The following SLC38A9 variants were observed in gnomAD, a reference collection of about 807,000 sequenced individuals.
SLC38A9 encodes the protein solute carrier family 38 member 9, also known as neutral amino acid transporter 9.
In SLC38A9, 48 loss-of-function variants were observed where a neutral mutation model predicts 62.3. The ratio of observed to expected loss-of-function variants is 0.77; its 90% CI spans 0.61 to 0.98. The LOEUF is 0.98. Ranked by LOEUF, SLC38A9 falls within the 50% of genes least tolerant of loss-of-function variation. SLC38A9 has a pLI of 0.00. For missense variants in SLC38A9, 541 were observed against 679.8 expected, an observed-to-expected ratio of 0.80 and a Z score of 2.27; for synonymous variants, 204 against 227.7, an observed-to-expected ratio of 0.90 and a Z score of 0.94.
intron 10 of SLC38A9, among the ~76,000 whole-genome samples, chr5:55,651,248 CT>C (rs1157691760): frequency 0.01 from 1,206 of 117,592 alleles, 27 homozygotes; most frequent in African/African-American, 0.036. Context: ...CTTTTGCCAT[CT>C]TTTTTTTTTT....
At chr5:55,677,924 TATTGTGTG>T (rs1189498483) in intron 3 of SLC38A9, among the ~76,000 whole-genome samples, 3 of 115,712 alleles carry the variant, frequency 2.6e-5, no homozygotes, top group Non-Finnish European at 3.4e-5. Flanking sequence ...TTTTTTTCTT[TATTGTGTG>T]TGTGTGTGTG....
rs770151453 is a variant in SLC38A9 at position 55,635,549 on chromosome 5, C to T, written c.1276G>A (p.Glu426Lys). The change falls in exon 13 of 16, where the codon GAG becomes AAG. Residue 426 changes from glutamate to lysine, a missense_variant. Coordinates refer to ENST00000396865, the MANE Select transcript of SLC38A9 (RefSeq NM_173514.4). Reference protein sequence around the residue: ...PSPPLSKDCIEQNFLDNFPSS... With the variant: ...PSPPLSKDCIKQNFLDNFPSS... ...GAGGGTACACGGTGCCTTACCTGCT[C>T]AATACAATCTTTGGATAATGGTGGT... The T allele has an allele frequency of 1.9e-5, 31 of 1,609,268 alleles. No individual in the cohort carries two copies. The South Asian group carries it at 3.0e-4, about 15-fold the overall frequency.
At chr5:55,669,901 TA>T (rs1751021081) in intron 4 of SLC38A9, 22 bp from the exon 5 acceptor site, 1 of 1,571,668 alleles carries the variant, frequency 6.4e-7, no homozygotes. Context: ...GAAACATAGA[TA>T]AATTTCAGAA....
At chr5:55,682,838 C>T (rs1226975365) in intron 3 of SLC38A9, among the ~76,000 whole-genome samples, 2 of 152,142 alleles carry the variant, frequency 1.3e-5, no homozygotes, top group African/African-American at 4.8e-5. Flanking sequence ...TGCTAGGTAT[C>T]CATCTCCCCC....
intron 2 of SLC38A9, among the ~76,000 whole-genome samples, chr5:55,699,347 T>TAA (rs1417825683): frequency 6.6e-6 from 1 of 152,248 alleles, no homozygotes; most frequent in Non-Finnish European, 1.5e-5. Flanking sequence ...CATGAGAATT[T>TAA]GCAAGGAACA....
intron 2 of SLC38A9, among the ~76,000 whole-genome samples, chr5:55,704,831 C>A (rs533705470): frequency 2.7e-4 from 41 of 152,304 alleles, no homozygotes; most frequent in South Asian, 1.2e-3. Context: ...AATCTTGGTT[C>A]TGCCATTTAT....
At chr5:55,659,418 A>C (rs1749074678) in intron 8 of SLC38A9, among the ~76,000 whole-genome samples, 1 of 131,092 alleles carries the variant, frequency 7.6e-6, no homozygotes, top group African/African-American at 2.8e-5. Context: ...ATGGAGTCTC[A>C]CTCTTGTTGC....
intron 11 of SLC38A9, among the ~76,000 whole-genome samples, chr5:55,646,410 T>G (rs777149130): frequency 2.6e-5 from 4 of 152,148 alleles, no homozygotes; most frequent in Non-Finnish European, 5.9e-5. Context: ...TTTATATCAA[T>G]TATTCCTATT....
intron 8 of SLC38A9, among the ~76,000 whole-genome samples, chr5:55,661,091 T>A (rs56214965): frequency 0.6 from 90,032 of 150,888 alleles, 27,482 homozygotes; most frequent in South Asian, 0.7. Context: ...AAACTTAAAA[T>A]TTTTTTTAAA....
intron 12 of SLC38A9, among the ~76,000 whole-genome samples, chr5:55,644,666 G>A (rs185536706): frequency 8.5e-5 from 13 of 152,090 alleles, no homozygotes; most frequent in African/African-American, 2.7e-4. Context: ...GTGTCCACCC[G>A]CCTTGGCCTC....
chr5:55,708,121 G>T (rs1180115079), intron 2 of SLC38A9, among the ~76,000 whole-genome samples: 2 of 152,206 alleles, frequency 1.3e-5, no homozygotes, highest in East Asian at 3.9e-4. Context: ...TCCCAGTAGG[G>T]AATGAACAGC....
chr5:55,661,350 C>T (rs1440148326), intron 8 of SLC38A9, among the ~76,000 whole-genome samples: 1 of 143,184 alleles, frequency 7.0e-6, no homozygotes, highest in Admixed American at 7.7e-5. Flanking sequence ...GAGGCTGAGG[C>T]AGGAGAATGG....
intron 10 of SLC38A9, among the ~76,000 whole-genome samples, chr5:55,650,344 C>T (rs1029490875): frequency 6.6e-6 from 1 of 152,046 alleles, no homozygotes; most frequent in Non-Finnish European, 1.5e-5. Context: ...GCCTTAGATG[C>T]TAATTCCTCT....
chr5:55,704,001 G>C (rs1756979974), intron 2 of SLC38A9: 1 of 151,962 alleles, frequency 6.6e-6, no homozygotes, highest in Non-Finnish European at 1.5e-5. Flanking sequence ...TACAAAATTT[G>C]ATTGATATAT....
chr5:55,649,527 G>A (rs1462165881), intron 10 of SLC38A9, among the ~76,000 whole-genome samples: 3 of 152,032 alleles, frequency 2.0e-5, no homozygotes, highest in Admixed American at 6.6e-5. Flanking sequence ...GTAGGCCTAA[G>A]AAGAACCAGA....
chr5:55,670,276 A>G (rs1364570395), intron 4 of SLC38A9, among the ~76,000 whole-genome samples: 1 of 152,164 alleles, frequency 6.6e-6, no homozygotes, highest in Non-Finnish European at 1.5e-5. Flanking sequence ...CCCTCTAGAC[A>G]CATTTTAACT....
At chr5:55,658,565 AC>A (rs1748896284) in intron 8 of SLC38A9, among the ~76,000 whole-genome samples, 1 of 152,226 alleles carries the variant, frequency 6.6e-6, no homozygotes, top group African/African-American at 2.4e-5. Flanking sequence ...AATGCCAAGG[AC>A]CACCAGCAAC....
At position 55,672,688 on chromosome 5, in the gene SLC38A9, A is replaced by G. The variant is rs182026059; in HGVS notation, c.121T>C (p.Cys41Arg). 5.8e-5 allele frequency: 93 copies of G among 1,613,418 alleles called. No individual in the cohort carries two copies. The East Asian group carries it at 2.1e-3, about 36-fold the overall frequency. ...PSDLRSKRPF[C>R]IEPTNIVNVN... ...TTCACGATGTTTGTGGGCTCTATAC[A>G]GAAAGGCCTACAAAGGGAATATACA... Residue 41 changes from cysteine (C) to arginine (R), a missense_variant, in exon 4 of 16, where the codon TGT (cysteine) becomes CGT (arginine). Physicochemically the swap from Cys to Arg is radical, Grantham distance 180. Coordinates refer to ENST00000396865, the MANE Select transcript of SLC38A9 (RefSeq NM_173514.4).
At chr5:55,677,852 C>G (rs1049335588) in intron 3 of SLC38A9, among the ~76,000 whole-genome samples, 1 of 151,544 alleles carries the variant, frequency 6.6e-6, no homozygotes, top group Non-Finnish European at 1.5e-5. Context: ...TCTATCAACT[C>G]TTCTCCTTCC....
Sources: gnomAD v4.1 joint callset for allele counts (sites outside exome capture counted in the v4.1 genomes callset) on GRCh38, gnomAD v4.1.1 for gene constraint, MANE v1.5 for transcripts, NCBI Gene and HGNC (gene_info 2026-07-23, HGNC 2026-07-21) for gene names.